Variants in SIPA1L3 observed in about 807,000 individuals in gnomAD.
The protein encoded by SIPA1L3 is signal induced proliferation associated 1 like 3, also known as signal-induced proliferation-associated 1-like protein 3.
Under a neutral mutation model 150.1 loss-of-function variants are expected in SIPA1L3, and 59 were observed. The observed-to-expected ratio is 0.39, with a 90% CI of 0.32 to 0.49. SIPA1L3 has a LOEUF of 0.49. SIPA1L3 is among the 20% of genes least tolerant of loss of function. The pLI is 0.86. For missense variants in SIPA1L3, 2,211 were observed against 2,489.5 expected (o/e 0.89, Z 2.38); for synonymous variants, 1,070 against 1,077.6 (o/e 0.99, Z 0.14).
chr19:38,052,159 G>A (rs954119313), intron 2 of SIPA1L3, among the ~76,000 whole-genome samples: 2 of 152,190 alleles, frequency 1.3e-5, no homozygotes, highest in Non-Finnish European at 2.9e-5. Flanking sequence ...TCATCCTGTG[G>A]TGCTTTTCAT....
In SIPA1L3 at chr19:37,938,716, G is replaced by T. The variant is rs548105419; in HGVS notation, c.-379+31358G>T. On this transcript the variant is annotated intron_variant, in intron 1 of 21. Coordinates refer to ENST00000222345, the MANE Select transcript of SIPA1L3 (RefSeq NM_015073.3). ...TTGATTCACTGCAACTGCACCTGCT[G>T]GGTTCAAGCAATTCTCCTGCCTCAG... Among the ~76,000 whole-genome samples the T allele has an allele frequency of 7.9e-5, 12 of 151,144 alleles. No individual in the cohort carries two copies. The South Asian group carries it at 2.5e-3, about 31-fold the overall frequency.
chr19:38,162,196 T>A, intron 13 of SIPA1L3, 57 bp from the exon 14 acceptor site: 1 of 1,396,036 alleles, frequency 7.2e-7, no homozygotes, highest in South Asian at 1.2e-5. Flanking sequence ...GTCCAGATTC[T>A]TCAGGCCCTG....
At chr19:38,037,216 G>A (rs1308028498) in intron 2 of SIPA1L3, among the ~76,000 whole-genome samples, 1 of 152,180 alleles carries the variant, frequency 6.6e-6, no homozygotes. Context: ...TGGCAGAGGA[G>A]CCCAGAGGGC....
At chr19:38,144,766 T>C (rs2145946833) in intron 12 of SIPA1L3, among the ~76,000 whole-genome samples, 1 of 152,288 alleles carries the variant, frequency 6.6e-6, no homozygotes, top group Middle Eastern at 3.4e-3. Flanking sequence ...CTGACTGTGA[T>C]GGAGAGGATC....
chr19:37,969,701 C>G (rs1206383955), intron 1 of SIPA1L3, among the ~76,000 whole-genome samples: 1 of 152,208 alleles, frequency 6.6e-6, no homozygotes, highest in Non-Finnish European at 1.5e-5. Flanking sequence ...ACACTTTCCT[C>G]CGGCCTTTGT....
At position 38,028,656 on chromosome 19, in the gene SIPA1L3, C is replaced by G. The variant is rs563367124; in HGVS notation, c.-378-433C>G. Among the ~76,000 whole-genome samples, 5 of 152,080 alleles carry G rather than the reference C, an allele frequency of 3.3e-5. No individual in the cohort carries two copies. In the East Asian group the frequency reaches 9.7e-4, roughly 29 times the overall value. On this transcript the variant is annotated intron_variant, in intron 1 of 21. Transcript: ENST00000222345. ...TGTCTTGGAGAACCCTGGTTGTATT[C>G]CCGGAGCCTGGCACATAGCAGGTGT...
chr19:38,038,658 T>A (rs1568514693), intron 2 of SIPA1L3, among the ~76,000 whole-genome samples: 1 of 151,990 alleles, frequency 6.6e-6, no homozygotes, highest in Non-Finnish European at 1.5e-5. Flanking sequence ...AACCCGCTTC[T>A]TTGACTATGG....
intron 20 of SIPA1L3, among the ~76,000 whole-genome samples, chr19:38,202,481 G>A (rs1174415988): frequency 1.3e-5 from 2 of 152,032 alleles, no homozygotes; most frequent in Non-Finnish European, 1.5e-5. Flanking sequence ...CCAGCTACTC[G>A]AGAGGCTGTG....
At chr19:38,127,869 T>C (rs1417387633) in intron 9 of SIPA1L3, among the ~76,000 whole-genome samples, 2 of 151,996 alleles carry the variant, frequency 1.3e-5, no homozygotes, top group Non-Finnish European at 2.9e-5. Flanking sequence ...TATAACAACA[T>C]AGCTTAGGTG....
chr19:37,947,516 C>T (rs545827367), intron 1 of SIPA1L3, among the ~76,000 whole-genome samples: 1 of 152,018 alleles, frequency 6.6e-6, no homozygotes, highest in Non-Finnish European at 1.5e-5. Context: ...CCAACTCCCC[C>T]ACCTCAGTAG....
chr19:38,206,305 T>C lies in SIPA1L3; in HGVS notation c.*65T>C. ...GCCGTGGCCCTGCTGCCTCTCTCCC[T>C]CCACTCAGCTCCCAGCTGCCGGTGT... On this transcript the variant is annotated 3_prime_UTR_variant, in exon 22 of 22. Transcript: ENST00000222345. 1 of 1,476,404 alleles carries C rather than the reference T, an allele frequency of 6.8e-7. No homozygotes were observed. Among genetic ancestry groups the C allele is most frequent in the Non-Finnish European group, 9.1e-7 (1 of 1,103,848 alleles). 91.5% of individuals were successfully genotyped at this position (1,476,404 alleles called of 1,614,324 possible). A position where few individuals can be genotyped will look rare whatever the true frequency, so the allele number is the denominator to read the frequency against.
intron 2 of SIPA1L3, among the ~76,000 whole-genome samples, chr19:38,057,323 T>C (rs576515704): frequency 1.3e-4 from 20 of 149,724 alleles, no homozygotes; most frequent in East Asian, 7.8e-4. Context: ...TATACATATA[T>C]ACACACACAC....
intron 9 of SIPA1L3, among the ~76,000 whole-genome samples, chr19:38,124,129 G>T (rs1324617174): frequency 6.6e-6 from 1 of 150,502 alleles, no homozygotes; most frequent in Non-Finnish European, 1.5e-5. Context: ...CCCGGACGGG[G>T]TGGCTGCCGG....
intron 1 of SIPA1L3, among the ~76,000 whole-genome samples, chr19:37,929,320 G>T (rs771152380): frequency 1.1e-4 from 16 of 152,178 alleles, no homozygotes; most frequent in Non-Finnish European, 1.8e-4. Context: ...ATATTGGGTA[G>T]GCAGACAATT....
intron 9 of SIPA1L3, 38 bp downstream of exon 9, chr19:38,119,920 A>G: frequency 6.7e-7 from 1 of 1,490,046 alleles, no homozygotes; most frequent in Non-Finnish European, 9.1e-7. Context: ...GGCGATTTGT[A>G]TGGTTTCGGC....
chr19:37,957,425 A>G (rs1040590523), intron 1 of SIPA1L3, among the ~76,000 whole-genome samples: 1 of 152,256 alleles, frequency 6.6e-6, no homozygotes, highest in Admixed American at 6.5e-5. Flanking sequence ...TTCTCTGTTT[A>G]TTTAGATTGT....
intron 9 of SIPA1L3, among the ~76,000 whole-genome samples, chr19:38,124,460 C>T (rs1971121585): frequency 6.6e-6 from 1 of 151,324 alleles, no homozygotes; most frequent in Admixed American, 6.6e-5. Flanking sequence ...CGGGAAGAGG[C>T]GCTCCTCACT....
chr19:37,913,729 A>T (rs987325520), intron 1 of SIPA1L3, among the ~76,000 whole-genome samples: 7 of 150,496 alleles, frequency 4.7e-5, no homozygotes, highest in African/African-American at 1.7e-4. Context: ...AATTAAAAAA[A>T]ATCCTGGCTG....
At chr19:38,167,165 A>G (rs949891142) in intron 15 of SIPA1L3, among the ~76,000 whole-genome samples, 5 of 144,776 alleles carry the variant, frequency 3.5e-5, no homozygotes, top group Admixed American at 2.9e-4. Flanking sequence ...TCTGGGAGGC[A>G]GAGGTTGCAG....
Sources: allele counts gnomAD v4.1 joint callset (sites outside exome capture counted in the v4.1 genomes callset), GRCh38; gene constraint gnomAD v4.1.1; transcripts MANE v1.5; gene names NCBI Gene and HGNC (gene_info 2026-07-23, HGNC 2026-07-21).